Variants in SUPT3H observed in about 807,000 individuals in gnomAD.
SUPT3H encodes the protein SPT3 homolog, SAGA and STAGA complex component.
In SUPT3H, 44 loss-of-function variants were observed where a neutral mutation model predicts 44.3. The observed-to-expected ratio is 0.99, with a 90% CI of 0.78 to 1.28. SUPT3H has a LOEUF of 1.28. Ranked by LOEUF, SUPT3H falls within the 50% of genes most tolerant of loss-of-function variation. SUPT3H has a pLI of 0.00. For synonymous variants in SUPT3H, 124 were observed against 125.6 expected, an observed-to-expected ratio of 0.99 and a Z score of 0.09; for missense variants, 380 against 387.1, an observed-to-expected ratio of 0.98 and a Z score of 0.15.
chr6:45,246,898 A>T (rs1771451314), intron 2 of SUPT3H, among the ~76,000 whole-genome samples: 1 of 152,232 alleles, frequency 6.6e-6, no homozygotes, highest in Admixed American at 6.5e-5. Flanking sequence ...TAAGTCAATA[A>T]CCAAACCTTC....
At chr6:45,064,505 A>C (rs1407445450) in intron 3 of SUPT3H, among the ~76,000 whole-genome samples, 1 of 136,228 alleles carries the variant, frequency 7.3e-6, no homozygotes. Context: ...ATTAAAAGAC[A>C]CAGACTGGCA....
At chr6:44,974,624 C>T (rs966227821) in intron 6 of SUPT3H, among the ~76,000 whole-genome samples, 3 of 152,174 alleles carry the variant, frequency 2.0e-5, no homozygotes, top group African/African-American at 4.8e-5. Context: ...ACACACCGGA[C>T]AAAGTGACCT....
intron 5 of SUPT3H, among the ~76,000 whole-genome samples, chr6:45,009,059 C>T (rs1477096508): frequency 6.6e-6 from 1 of 152,064 alleles, no homozygotes; most frequent in Non-Finnish European, 1.5e-5. Context: ...TGTCTATTGT[C>T]CATTAGTTAA....
intron 2 of SUPT3H, among the ~76,000 whole-genome samples, chr6:45,269,212 C>A (rs888541410): frequency 2.0e-5 from 3 of 152,114 alleles, no homozygotes; most frequent in Non-Finnish European, 2.9e-5. Context: ...ATTTGGGAAA[C>A]CCTTAGTTGA....
intron 3 of SUPT3H, among the ~76,000 whole-genome samples, chr6:45,083,648 T>G (rs1053790034): frequency 2.6e-5 from 4 of 151,528 alleles, no homozygotes; most frequent in African/African-American, 9.7e-5. Flanking sequence ...AGAGCAATCC[T>G]AAGTAAAATG....
chr6:45,323,095 G>A (rs1785777298), intron 2 of SUPT3H: 3 of 582,196 alleles, frequency 5.2e-6, no homozygotes, highest in Non-Finnish European at 8.9e-6. Flanking sequence ...ACAAAACACT[G>A]ACAATTTATA....
At chr6:45,188,427 G>C (rs1814604444) in intron 2 of SUPT3H, among the ~76,000 whole-genome samples, 1 of 152,234 alleles carries the variant, frequency 6.6e-6, no homozygotes, top group Non-Finnish European at 1.5e-5. Context: ...TAAGTGCTTA[G>C]TGAAGGTGGA....
In SUPT3H at chr6:45,322,518, C is replaced by T. The variant is rs1052333280; in HGVS notation, c.101+42683G>A. Among the ~76,000 whole-genome samples the T allele has an allele frequency of 7.9e-5, 12 of 151,936 alleles. 1 individual carries two copies. The highest frequency in any genetic ancestry group is 2.7e-4 in the African/African-American group (11 of 41,408). ...GAAATTGAGATTTCCAATGGGAATACTGTCAAATATATAAAAACAAAAAGA... is the reference window on the plus strand; with the variant it reads ...GAAATTGAGATTTCCAATGGGAATATTGTCAAATATATAAAAACAAAAAGA... On this transcript the variant is annotated intron_variant, in intron 2 of 10. Coordinates refer to ENST00000371459, the MANE Select transcript of SUPT3H (RefSeq NM_003599.4).
Position 44,829,877 on chromosome 6 carries a change from C to A in SUPT3H, c.913-20G>T. 6.2e-7 allele frequency: 1 copy of A among 1,612,508 alleles called. No individual in the cohort carries two copies. Among genetic ancestry groups the A allele is most frequent in the South Asian group, 1.1e-5 (1 of 91,020 alleles). On this transcript the variant is annotated intron_variant, in intron 10 of 10. Transcript: ENST00000371459. ...GGCATTCTGTCAAAGAAAAAGAAAT[C>A]TGCAATGAATTATCACATGAAGTCA... is the stretch of plus-strand genomic sequence containing the variant.
At chr6:45,023,912 TAAAAACAAAA>T (rs2153520011) in intron 3 of SUPT3H, among the ~76,000 whole-genome samples, 1 of 152,052 alleles carries the variant, frequency 6.6e-6, no homozygotes, top group South Asian at 2.1e-4. Flanking sequence ...AAATAAAAGT[TAAAAACAAAA>T]CAAAACAAAA....
intron 2 of SUPT3H, among the ~76,000 whole-genome samples, chr6:45,290,041 G>A (rs559839397): frequency 3.9e-5 from 6 of 152,078 alleles, no homozygotes; most frequent in Admixed American, 2.6e-4. Context: ...TTAGTCAGGC[G>A]TGGTGACACA....
chr6:45,353,889 T>C (rs1166827826), intron 2 of SUPT3H, among the ~76,000 whole-genome samples: 1 of 151,608 alleles, frequency 6.6e-6, no homozygotes, highest in Non-Finnish European at 1.5e-5. Flanking sequence ...TCAGTGCCTT[T>C]AGTATATCAA....
intron 2 of SUPT3H, among the ~76,000 whole-genome samples, chr6:45,135,724 G>C (rs1483616393): frequency 2.0e-5 from 3 of 152,160 alleles, no homozygotes; most frequent in South Asian, 4.1e-4. Context: ...TAATCCAAGA[G>C]GGCCTTCACC....
chr6:45,027,954 T>C (rs1786286920), intron 3 of SUPT3H, among the ~76,000 whole-genome samples: 1 of 152,236 alleles, frequency 6.6e-6, no homozygotes, highest in Non-Finnish European at 1.5e-5. Context: ...TGAGAAACTT[T>C]TACTATTGTT....
intron 2 of SUPT3H, among the ~76,000 whole-genome samples, chr6:45,345,388 A>G (rs1249900467): frequency 6.6e-6 from 1 of 152,074 alleles, no homozygotes; most frequent in African/African-American, 2.4e-5. Context: ...TTAATTTTGT[A>G]TCTCTATTCC....
At chr6:45,096,304 C>G (rs2153565850) in intron 3 of SUPT3H, among the ~76,000 whole-genome samples, 1 of 152,156 alleles carries the variant, frequency 6.6e-6, no homozygotes, top group South Asian at 2.1e-4. Context: ...AAGTGTAATT[C>G]AACTTTGAAA....
At chr6:45,298,069 C>T (rs541607776) in intron 2 of SUPT3H, among the ~76,000 whole-genome samples, 27 of 152,174 alleles carry the variant, frequency 1.8e-4, no homozygotes, top group Non-Finnish European at 3.1e-4. Flanking sequence ...TTTACAGCTT[C>T]ATGCAGTTCT....
chr6:45,068,446 TAA>T (rs1334355673), intron 3 of SUPT3H, among the ~76,000 whole-genome samples: 1 of 150,694 alleles, frequency 6.6e-6, no homozygotes, highest in Admixed American at 6.6e-5. Context: ...ACATGTACCC[TAA>T]AACTTAAAGT....
At chr6:45,251,027 C>G (rs555024359) in intron 2 of SUPT3H, 1 of 152,150 alleles carries the variant, frequency 6.6e-6, no homozygotes, top group East Asian at 1.9e-4. Context: ...TCAGGCTGGT[C>G]TCAAACTCCT....
Sources: gnomAD v4.1 joint callset for allele counts (sites outside exome capture counted in the v4.1 genomes callset) on GRCh38, gnomAD v4.1.1 for gene constraint, MANE v1.5 for transcripts, NCBI Gene and HGNC (gene_info 2026-07-23, HGNC 2026-07-21) for gene names.